The following LHFPL6 variants were observed in gnomAD, a reference collection of about 807,000 sequenced individuals.
The protein encoded by LHFPL6 is LHFPL tetraspan subfamily member 6 protein.
In LHFPL6, 9 loss-of-function variants were observed where a neutral mutation model predicts 20.6. The ratio of observed to expected loss-of-function variants is 0.44; its 90% CI spans 0.26 to 0.76. The LOEUF (loss-of-function observed/expected upper bound fraction) is 0.76. LHFPL6 is among the 30% of genes least tolerant of loss of function. LHFPL6 has a pLI of 0.20. For missense variants in LHFPL6, 218 were observed against 253.5 expected (o/e 0.86, Z 0.95); for synonymous variants, 105 against 98.7 (o/e 1.06, Z -0.38).
chr13:39,450,049 G>T (rs1226514497), intron 2 of LHFPL6, among the ~76,000 whole-genome samples: 1 of 152,134 alleles, frequency 6.6e-6, no homozygotes, highest in Non-Finnish European at 1.5e-5. Context: ...TCTTGGAGGA[G>T]AAACTCATAC....
chr13:39,401,410 C>G (rs1411963341), intron 2 of LHFPL6, among the ~76,000 whole-genome samples: 1 of 152,132 alleles, frequency 6.6e-6, no homozygotes. Context: ...GTGAAGGAGA[C>G]TTGGAGTCAA....
At chr13:39,549,368 T>C (rs9548809) in intron 2 of LHFPL6, among the ~76,000 whole-genome samples, 56,953 of 151,840 alleles carry the variant, frequency 0.38, 11,331 homozygotes, top group South Asian at 0.45. Flanking sequence ...ATATGTAAAA[T>C]CTAAAGCAAT....
At chr13:39,508,110 C>T (rs1461347362) in intron 2 of LHFPL6, among the ~76,000 whole-genome samples, 1 of 151,764 alleles carries the variant, frequency 6.6e-6, no homozygotes, top group Non-Finnish European at 1.5e-5. Context: ...AATCAATTTC[C>T]GCCTCCCAGG....
At chr13:39,362,673 T>A (rs564606276) in intron 3 of LHFPL6, among the ~76,000 whole-genome samples, 1 of 152,224 alleles carries the variant, frequency 6.6e-6, no homozygotes, top group African/African-American at 2.4e-5. Context: ...TCTGTGTGGC[T>A]CTGTTAAGCA....
At chr13:39,488,141 G>A (rs912354091) in intron 2 of LHFPL6, among the ~76,000 whole-genome samples, 1 of 152,122 alleles carries the variant, frequency 6.6e-6, no homozygotes, top group Admixed American at 6.5e-5. Flanking sequence ...GCTCCAGGGA[G>A]CATATTACCC....
intron 2 of LHFPL6, among the ~76,000 whole-genome samples, chr13:39,574,220 C>T (rs538784344): frequency 7.2e-5 from 11 of 152,270 alleles, no homozygotes; most frequent in South Asian, 2.1e-4. Flanking sequence ...CGGTGGCTCA[C>T]GCCTGTAATC....
At chr13:39,351,842 G>A (rs1055080684) in intron 3 of LHFPL6, among the ~76,000 whole-genome samples, 2 of 152,172 alleles carry the variant, frequency 1.3e-5, no homozygotes, top group Admixed American at 6.5e-5. Flanking sequence ...AGTTGTTTCT[G>A]TACCTCACTT....
At chr13:39,389,593 T>C (rs557168691) in intron 2 of LHFPL6, among the ~76,000 whole-genome samples, 14 of 152,184 alleles carry the variant, frequency 9.2e-5, no homozygotes, top group Middle Eastern at 3.4e-3. Flanking sequence ...AGGGCCAGTG[T>C]GAACAAAGCC....
At chr13:39,455,966 C>A (rs996336512) in intron 2 of LHFPL6, among the ~76,000 whole-genome samples, 23 of 152,172 alleles carry the variant, frequency 1.5e-4, no homozygotes. Flanking sequence ...AAACAGGACA[C>A]AAATGTATTG....
At chr13:39,425,445 T>C (rs1219006134) in intron 2 of LHFPL6, among the ~76,000 whole-genome samples, 2 of 152,204 alleles carry the variant, frequency 1.3e-5, no homozygotes. Context: ...AGGAGTGGAA[T>C]GGTTGAGCCA....
chr13:39,433,684 T>C (rs1871875415), intron 2 of LHFPL6, among the ~76,000 whole-genome samples: 1 of 152,068 alleles, frequency 6.6e-6, no homozygotes. Flanking sequence ...AACTGGCAAG[T>C]TAAGTATAAA....
chr13:39,455,230 G>A (rs904759114), intron 2 of LHFPL6, among the ~76,000 whole-genome samples: 4 of 152,074 alleles, frequency 2.6e-5, no homozygotes, highest in Admixed American at 2.6e-4. Flanking sequence ...AAATGTTCTG[G>A]GCGCCCAGAG....
rs981563907 is a variant in LHFPL6 at position 39,354,177 on chromosome 13, G to A, written c.485-10123C>T. Among the ~76,000 whole-genome samples the A allele has an allele frequency of 2.6e-5, 4 of 152,160 alleles. No individual in the cohort carries two copies. The East Asian group carries it at 7.7e-4, about 29-fold the overall frequency. ...CTGCCAGCCCTTACATGTATGCACC[G>A]TCCACTGGATTGCAGCCTGAATTAC... On this transcript the variant is annotated intron_variant, in intron 3 of 3. Transcript: ENST00000379589.
intron 2 of LHFPL6, among the ~76,000 whole-genome samples, chr13:39,404,033 T>G (rs2138381273): frequency 6.6e-6 from 1 of 152,326 alleles, no homozygotes; most frequent in African/African-American, 2.4e-5. Context: ...CAAGGTCAAC[T>G]TACCTGGACG....
chr13:39,369,998 CG>C (rs1186972821), intron 3 of LHFPL6, among the ~76,000 whole-genome samples: 1 of 152,076 alleles, frequency 6.6e-6, no homozygotes, highest in Non-Finnish European at 1.5e-5. Flanking sequence ...ATTTTGAAAA[CG>C]TGGAACCTAC....
intron 2 of LHFPL6, among the ~76,000 whole-genome samples, chr13:39,387,745 T>C (rs1301271506): frequency 1.3e-5 from 2 of 152,094 alleles, no homozygotes; most frequent in African/African-American, 4.8e-5. Context: ...AAGTGTTCAC[T>C]GTCCCATCTC....
At chr13:39,449,077 C>T (rs980435830) in intron 2 of LHFPL6, among the ~76,000 whole-genome samples, 2 of 152,202 alleles carry the variant, frequency 1.3e-5, no homozygotes, top group Non-Finnish European at 2.9e-5. Flanking sequence ...AAGGGAGGTG[C>T]TACTGGCCTC....
chr13:39,481,112 T>C (rs920767742), intron 2 of LHFPL6, among the ~76,000 whole-genome samples: 2 of 152,192 alleles, frequency 1.3e-5, no homozygotes, highest in Admixed American at 1.3e-4. Context: ...AATTAACTTG[T>C]ATTAGTTTTA....
At chr13:39,388,894 C>T (rs1439042548) in intron 2 of LHFPL6, among the ~76,000 whole-genome samples, 2 of 152,114 alleles carry the variant, frequency 1.3e-5, no homozygotes, top group South Asian at 2.1e-4. Context: ...GTTTCCTTCC[C>T]GGCAGGCTTG....
Sources: allele counts gnomAD v4.1 joint callset (sites outside exome capture counted in the v4.1 genomes callset), GRCh38; gene constraint gnomAD v4.1.1; transcripts MANE v1.5; gene names NCBI Gene and HGNC (gene_info 2026-07-23, HGNC 2026-07-21).